SIRT5: variants seen among roughly 807,000 people sequenced by gnomAD.
SIRT5 encodes the protein sirtuin 5, also known as NAD-dependent protein deacylase sirtuin-5, mitochondrial.
A neutral mutation model predicts 40.0 loss-of-function variants in SIRT5; 26 were observed. The ratio of observed to expected loss-of-function variants is 0.65; its 90% CI spans 0.48 to 0.90. The LOEUF (loss-of-function observed/expected upper bound fraction) is 0.90. Among genes scored for constraint, SIRT5 ranks in the 40% least tolerant of loss-of-function variants. The probability of loss-of-function intolerance (pLI) is 0.00; values close to 1 mark genes in which losing one functional copy is unlikely to be tolerated. For missense variants in SIRT5, 401 were observed against 402.4 expected (o/e 1.00, Z 0.03); for synonymous variants, 146 against 149.1 (o/e 0.98, Z 0.15).
At chr6:13,594,594 G>C (rs998298096) in intron 5 of SIRT5, among the ~76,000 whole-genome samples, 1 of 152,188 alleles carries the variant, frequency 6.6e-6, no homozygotes, top group Admixed American at 6.5e-5. Context: ...GACCAAACAC[G>C]ACTGCAGAGG....
chr6:13,604,380 C>A, intron 9 of SIRT5: 1 of 813,976 alleles, frequency 1.2e-6, no homozygotes. Flanking sequence ...TTTGAAAGAC[C>A]ATCAGAAAAC....
intron 2 of SIRT5, among the ~76,000 whole-genome samples, chr6:13,583,138 C>T (rs1315466205): frequency 1.3e-5 from 2 of 152,038 alleles, no homozygotes. Context: ...CCCAGGAAGT[C>T]AAGGCTGTAG....
intron 7 of SIRT5, among the ~76,000 whole-genome samples, chr6:13,598,399 G>A (rs993025589): frequency 2.0e-5 from 3 of 152,156 alleles, no homozygotes; most frequent in East Asian, 1.9e-4. Context: ...TGCTTGGGGT[G>A]GGAGGCAAAT....
In SIRT5 at chr6:13,607,117, T is replaced by A. The variant is rs1763222764; in HGVS notation, c.858-4673T>A. 6.6e-6 allele frequency among the ~76,000 whole-genome samples: 1 copy of A among 151,874 alleles called. No homozygotes were observed. Among genetic ancestry groups the A allele is most frequent in the Non-Finnish European group, 1.5e-5 (1 of 67,970 alleles). On this transcript the variant is annotated intron_variant, in intron 9 of 9. Transcript: ENST00000606117. The surrounding 1 kb of genome is among the most constrained non-coding windows in gnomAD (Gnocchi z 4.0). ...AAATACCCCTGAAGATACGAATGACTCCAGCCCTTATTTTATAAAACAAAA... is the reference window on the plus strand; with the variant it reads ...AAATACCCCTGAAGATACGAATGACACCAGCCCTTATTTTATAAAACAAAA...
chr6:13,611,819 C>T lies in SIRT5; in HGVS notation c.887C>T (p.Thr296Ile). ...CATTTCCAGGGACCCTGTGGAACGA[C>T]TCTTCCTGAAGCCCTTGCCTGTCAT... Reference protein sequence around the residue: ...RFHFQGPCGTTLPEALACHEN... With the variant: ...RFHFQGPCGTILPEALACHEN... The change falls in exon 10 of 10, where the codon ACT becomes ATT. Residue 296 changes from threonine (T) to isoleucine (I), a missense_variant. Coordinates refer to ENST00000606117, the MANE Select transcript of SIRT5 (RefSeq NM_012241.5). 6.2e-7 allele frequency: 1 copy of T among 1,613,986 alleles called. No individual in the cohort carries two copies.
intron 9 of SIRT5, among the ~76,000 whole-genome samples, chr6:13,601,387 G>C (rs1409484146): frequency 1.3e-5 from 2 of 152,170 alleles, no homozygotes; most frequent in South Asian, 2.1e-4. Flanking sequence ...ATTTGTATCT[G>C]TGGCCATATT....
rs199922131 is a variant in SIRT5, at chr6:13,591,651, C to T, written c.250-18C>T. On this transcript the variant is annotated intron_variant, in intron 4 of 9. Coordinates refer to ENST00000606117, the MANE Select transcript of SIRT5 (RefSeq NM_012241.5). Reference sequence around the variant, plus strand: ...CTGTCTCTGCCTCCCTCACTCCTGCCTCCTCTCCCACTCCCAGGACCTGGC... The same window carrying T: ...CTGTCTCTGCCTCCCTCACTCCTGCTTCCTCTCCCACTCCCAGGACCTGGC... 80 of 1,514,814 alleles carry T rather than the reference C, an allele frequency of 5.3e-5. No homozygotes were observed. The African/African-American group carries it at 1.0e-3, about 19-fold the overall frequency. The allele number at this position is 1,514,814 out of a possible 1,614,324, so 93.8% of individuals were successfully genotyped here.
intron 4 of SIRT5, among the ~76,000 whole-genome samples, chr6:13,590,504 C>T (rs1336748393): frequency 1.3e-5 from 2 of 150,254 alleles, no homozygotes; most frequent in Non-Finnish European, 3.0e-5. Context: ...TAGTTCTGTG[C>T]GTGTAGGTGT....
intron 2 of SIRT5, among the ~76,000 whole-genome samples, chr6:13,580,285 G>A (rs900766440): frequency 8.6e-5 from 13 of 152,034 alleles, no homozygotes; most frequent in South Asian, 6.2e-4. Context: ...CATTGAAAAC[G>A]TGTTGACTTG....
Position 13,600,820 on chromosome 6 carries a change from T to A in SIRT5, c.742-14T>A. On this transcript the variant is annotated splice_polypyrimidine_tract_variant and intron_variant, in intron 8 of 9. Coordinates refer to ENST00000606117, the MANE Select transcript of SIRT5 (RefSeq NM_012241.5). ...GTCTGGCTGTTTGTTCATCTCCGTG[T>A]ACTTGCCTTGTAGGTGGGCACTTCC... The A allele has an allele frequency of 6.3e-7, 1 of 1,598,632 alleles. No homozygotes were observed. The highest frequency in any genetic ancestry group is 2.2e-5 in the East Asian group (1 of 44,670).
chr6:13,606,774 C>T (rs115886482), intron 9 of SIRT5, among the ~76,000 whole-genome samples: 2,987 of 152,152 alleles, frequency 0.02, 82 homozygotes, highest in African/African-American at 0.066. Context: ...CTTTGCCTCC[C>T]GGGCTCAAGC....
chr6:13,609,410 T>G (rs1361378995), intron 9 of SIRT5, among the ~76,000 whole-genome samples: 2 of 152,162 alleles, frequency 1.3e-5, no homozygotes, highest in Non-Finnish European at 2.9e-5. Context: ...TTGAATGAAG[T>G]AGTTTTTGAT....
chr6:13,606,369 T>G (rs1763106510), intron 9 of SIRT5, among the ~76,000 whole-genome samples: 1 of 152,106 alleles, frequency 6.6e-6, no homozygotes. Flanking sequence ...CTGTTGGAGT[T>G]TAGAAGTCTA....
intron 4 of SIRT5, among the ~76,000 whole-genome samples, chr6:13,588,753 ATT>A (rs1760412915): frequency 1.3e-5 from 2 of 152,222 alleles, no homozygotes; most frequent in Non-Finnish European, 2.9e-5. Flanking sequence ...GGTTAGCATC[ATT>A]CATTACTTTA....
chr6:13,588,539 C>G (rs149654984), intron 4 of SIRT5, 75 bp downstream of exon 4: 1 of 1,499,828 alleles, frequency 6.7e-7, no homozygotes, highest in Admixed American at 2.4e-5. Flanking sequence ...AATCCTATAC[C>G]GATCCCCGAA....
intron 3 of SIRT5, among the ~76,000 whole-genome samples, chr6:13,587,253 G>C (rs1455249066): frequency 6.6e-6 from 1 of 152,196 alleles, no homozygotes; most frequent in Admixed American, 6.5e-5. Context: ...GGGGCTCTCT[G>C]TTCTCCTCCT....
chr6:13,607,239 A>G lies in SIRT5; in HGVS notation c.858-4551A>G, dbSNP rs1211065341. On this transcript the variant is annotated intron_variant, in intron 9 of 9. Transcript: ENST00000606117. The surrounding 1 kb of genome is among the most constrained non-coding windows in gnomAD (Gnocchi z 4.0). ...TGCCTGTTTATCTGTGTAGTTAGCAAATGACCCAGGTAATTCTTACCAAGA... is the reference window on the plus strand; with the variant it reads ...TGCCTGTTTATCTGTGTAGTTAGCAGATGACCCAGGTAATTCTTACCAAGA... 6.6e-6 allele frequency among the ~76,000 whole-genome samples: 1 copy of G among 152,036 alleles called. No individual in the cohort carries two copies. The highest frequency in any genetic ancestry group is 1.5e-5 in the Non-Finnish European group (1 of 67,996).
chr6:13,587,997 C>T (rs550083568), intron 3 of SIRT5, among the ~76,000 whole-genome samples: 4 of 152,204 alleles, frequency 2.6e-5, no homozygotes, highest in Non-Finnish European at 5.9e-5. Context: ...TCGTAACATG[C>T]CTGCTCTAGG....
intron 3 of SIRT5, among the ~76,000 whole-genome samples, chr6:13,587,562 G>A (rs1045600913): frequency 1.3e-5 from 2 of 152,186 alleles, no homozygotes; most frequent in Non-Finnish European, 2.9e-5. Context: ...GGTGCAGGGA[G>A]CCCTCACCAC....
Sources: allele counts gnomAD v4.1 joint callset (sites outside exome capture counted in the v4.1 genomes callset), GRCh38; gene constraint gnomAD v4.1.1; non-coding constraint Gnocchi (gnomAD v3.1); transcripts MANE v1.5; gene names NCBI Gene and HGNC (gene_info 2026-07-23, HGNC 2026-07-21).